Variants in UPK3A observed in about 807,000 individuals in gnomAD.
The protein encoded by UPK3A is uroplakin 3A, also known as uroplakin-3a.
A neutral mutation model predicts 27.6 loss-of-function variants in UPK3A; 32 were observed. The observed-to-expected ratio is 1.16, with a 90% CI of 0.87 to 1.55. UPK3A has a LOEUF of 1.55. UPK3A is among the 40% of genes most tolerant of loss of function. UPK3A has a pLI of 0.00. For synonymous variants in UPK3A, 171 were observed against 163.9 expected (o/e 1.04, Z -0.33); for missense variants, 370 against 367.9 (o/e 1.01, Z -0.05).
chr22:45,294,419 C>G (rs1345766880), intron 5 of UPK3A, among the ~76,000 whole-genome samples: 1 of 151,706 alleles, frequency 6.6e-6, no homozygotes, highest in Non-Finnish European at 1.5e-5. Flanking sequence ...GTACACCCCC[C>G]CCGGGAGACC....
intron 3 of UPK3A, among the ~76,000 whole-genome samples, chr22:45,288,207 T>G (rs1472114569): frequency 6.6e-6 from 1 of 151,994 alleles, no homozygotes; most frequent in Non-Finnish European, 1.5e-5. Context: ...CTGCTTTTTT[T>G]TTTTTGAGAT....
intron 4 of UPK3A, among the ~76,000 whole-genome samples, chr22:45,292,126 C>G (rs747125899): frequency 6.6e-6 from 1 of 152,188 alleles, no homozygotes; most frequent in African/African-American, 2.4e-5. Flanking sequence ...CCCCTCACTG[C>G]GGTGTGAGCC....
intron 4 of UPK3A, among the ~76,000 whole-genome samples, chr22:45,291,303 T>C (rs111781918): frequency 4.4e-4 from 65 of 146,312 alleles, no homozygotes; most frequent in Middle Eastern, 3.7e-3. Context: ...TGGGGGTGTG[T>C]GTGAATGAGG....
chr22:45,288,287 C>G (rs985069010), intron 3 of UPK3A, among the ~76,000 whole-genome samples: 2 of 152,170 alleles, frequency 1.3e-5, no homozygotes, highest in Admixed American at 1.3e-4. Context: ...CCTCTGCCTC[C>G]CGGGTTCAAG....
At chr22:45,287,947 G>A in intron 3 of UPK3A, among the ~76,000 whole-genome samples, 1 of 152,180 alleles carries the variant, frequency 6.6e-6, no homozygotes, top group Middle Eastern at 3.2e-3. Flanking sequence ...TTACGGGCGT[G>A]AGCTGCCATG....
At chr22:45,287,951 T>C (rs6007577) in intron 3 of UPK3A, among the ~76,000 whole-genome samples, 23,943 of 152,178 alleles carry the variant, frequency 0.16, 5,072 homozygotes, top group African/African-American at 0.49. Flanking sequence ...GGGCGTGAGC[T>C]GCCATGCCTG....
intron 5 of UPK3A, among the ~76,000 whole-genome samples, chr22:45,293,583 T>C (rs1391538999): frequency 6.6e-6 from 1 of 152,198 alleles, no homozygotes; most frequent in Non-Finnish European, 1.5e-5. Flanking sequence ...ATCTTAGCTC[T>C]GACACTGAAG....
At chr22:45,294,012 C>T (rs577388814) in intron 5 of UPK3A, among the ~76,000 whole-genome samples, 55 of 152,110 alleles carry the variant, frequency 3.6e-4, no homozygotes, top group Middle Eastern at 3.4e-3. Flanking sequence ...AGTCCACTAG[C>T]CCCTGGGAAG....
rs2084189061 is a variant in UPK3A, at chr22:45,295,563, C to T, written c.708C>T (p.Asp236=). 1 of 1,613,964 alleles carries T rather than the reference C, an allele frequency of 6.2e-7. No individual in the cohort carries two copies. The highest frequency in any genetic ancestry group is 1.7e-5 in the Admixed American group (1 of 59,980). The change falls in exon 6 of 6, where the codon GAC becomes GAT. Residue 236 remains aspartate (D), a synonymous_variant. Transcript: ENST00000216211. ...GTCTTTCCATCCCCTTGGACAGGGA[C>T]ATGGGGAGTTCTGATGGGGAAACGA... ...FAGAIALSLV[D]MGSSDGETTH... is the part of the protein sequence containing the mutation.
In UPK3A at chr22:45,287,284, G is replaced by T; in HGVS notation, c.321G>T (p.Leu107=). The T allele has an allele frequency of 6.2e-7, 1 of 1,614,180 alleles. No individual in the cohort carries two copies. The stretch of plus-strand genomic sequence containing the variant: ...CCTACAAAGCTGTGGCCTTTGACCT[G>T]ATCCCCTGCAGTGACCTGCCCAGCC... ...TGPYKAVAFD[L]IPCSDLPSLD... is the part of the protein sequence containing the mutation. The change falls in exon 3 of 6, where the codon CTG becomes CTT. Residue 107 remains leucine, a synonymous_variant. Transcript: ENST00000216211.
chr22:45,291,319 T>G (rs901116240), intron 4 of UPK3A, among the ~76,000 whole-genome samples: 8 of 146,568 alleles, frequency 5.5e-5, no homozygotes, highest in African/African-American at 1.8e-4. Flanking sequence ...TGAGGGTGTG[T>G]GTGGTGTGTG....
intron 3 of UPK3A, 63 bp downstream of exon 3, chr22:45,287,514 CA>C: frequency 6.5e-7 from 1 of 1,543,550 alleles, no homozygotes; most frequent in Non-Finnish European, 8.8e-7. Flanking sequence ...TGAGGGAGAG[CA>C]GGGGCAAAGT....
intron 4 of UPK3A, among the ~76,000 whole-genome samples, chr22:45,291,707 C>A: frequency 8.0e-6 from 1 of 124,364 alleles, no homozygotes; most frequent in African/African-American, 3.2e-5. Flanking sequence ...GTGAGAGTGG[C>A]AGTGTGTGTG....
chr22:45,291,509 T>A (rs987922335), intron 4 of UPK3A, among the ~76,000 whole-genome samples: 8 of 146,466 alleles, frequency 5.5e-5, no homozygotes, highest in African/African-American at 2.0e-4. Context: ...AGTGTGAGAG[T>A]GTGTGTGTGA....
chr22:45,293,408 G>T, intron 5 of UPK3A, 95 bp downstream of exon 5: 2 of 1,539,992 alleles, frequency 1.3e-6, no homozygotes, highest in East Asian at 2.2e-5. Flanking sequence ...CGAGGCAGGG[G>T]ACAGCCCGGA....
Position 45,288,995 on chromosome 22 carries a change from C to T in UPK3A, c.489-66C>T. ...ACCCCTAGGCCATCCTACATCCCCC[C>T]ACCGCCTCCCTGTGGGTGGGGCTCA... On this transcript the variant is annotated intron_variant, in intron 3 of 5. Coordinates refer to ENST00000216211, the MANE Select transcript of UPK3A (RefSeq NM_006953.4). The T allele has an allele frequency of 2.0e-6, 3 of 1,534,860 alleles. No homozygotes were observed. In the South Asian group the frequency reaches 3.4e-5, roughly 17 times the overall value.
chr22:45,287,102 G>C (rs1601847044), intron 2 of UPK3A, 70 bp from the exon 3 acceptor site: 6 of 1,606,594 alleles, frequency 3.7e-6, no homozygotes, highest in Non-Finnish European at 5.1e-6. Context: ...TCAGGCATTT[G>C]ATGAATAACT....
chr22:45,294,947 C>T (rs1223178464), intron 5 of UPK3A, among the ~76,000 whole-genome samples: 3 of 150,144 alleles, frequency 2.0e-5, no homozygotes. Flanking sequence ...CTCACTGCAA[C>T]CTCCGCCTCC....
At position 45,295,687 on chromosome 22, in the gene UPK3A, G is replaced by T. The variant is rs1318760471; in HGVS notation, c.832G>T (p.Ala278Ser). The T allele has an allele frequency of 1.9e-6, 3 of 1,613,834 alleles. No homozygotes were observed. Among genetic ancestry groups the T allele is most frequent in the Admixed American group, 1.7e-5 (1 of 59,980 alleles). Residue 278 changes from alanine to serine, a missense_variant, in exon 6 of 6, where the codon GCT (alanine) becomes TCT (serine). By Grantham distance (99) the Ala-to-Ser change is moderately conservative (BLOSUM62 1). Transcript: ENST00000216211. ...SVNRGPPLDR[A>S]EVYSSKLQD ...GAACCGGGGGCCGCCACTGGACAGG[G>T]CTGAGGTGTATTCCAGCAAGCTCCA...
Sources: gnomAD v4.1 joint callset for allele counts (sites outside exome capture counted in the v4.1 genomes callset) on GRCh38, gnomAD v4.1.1 for gene constraint, MANE v1.5 for transcripts, NCBI Gene and HGNC (gene_info 2026-07-23, HGNC 2026-07-21) for gene names.